The following UPRT variants were observed in gnomAD, a reference collection of about 807,000 sequenced individuals.
UPRT encodes the protein RP11-311P8.3.
Under a neutral mutation model 22.6 loss-of-function variants are expected in UPRT, and 5 were observed. That is an observed-to-expected ratio of 0.22 (90% CI 0.12 to 0.47). The LOEUF (loss-of-function observed/expected upper bound fraction) is 0.47. Among genes scored for constraint, UPRT ranks in the 20% least tolerant of loss-of-function variants. UPRT has a pLI of 0.99. For missense variants in UPRT, 181 were observed against 239.9 expected (o/e 0.75, Z 1.62); for synonymous variants, 77 against 87.7 (o/e 0.88, Z 0.68).
At chrX:75,267,417 G>A (rs2082593827) in intron 4 of UPRT, among the ~76,000 whole-genome samples, 1 of 111,408 alleles carries the variant, frequency 9.0e-6, no homozygotes, top group Admixed American at 9.6e-5. Context: ...CACAGTTCAA[G>A]GCCTGTCGTG....
At chrX:75,169,103 A>G (rs759597113) in intron 4 of UPRT, among the ~76,000 whole-genome samples, 36 of 112,131 alleles carry the variant, frequency 3.2e-4, no homozygotes, top group Non-Finnish European at 5.8e-4. Context: ...TGCAAATGCC[A>G]TTAATTCGTT....
intron 4 of UPRT, among the ~76,000 whole-genome samples, chrX:75,260,064 T>C (rs1399257876): frequency 8.9e-6 from 1 of 111,740 alleles, no homozygotes; most frequent in African/African-American, 3.3e-5. Flanking sequence ...GCTGAGAGAT[T>C]TTATCACCAC....
At chrX:75,260,146 A>G (rs1395384289) in intron 4 of UPRT, among the ~76,000 whole-genome samples, 2 of 112,402 alleles carry the variant, frequency 1.8e-5, no homozygotes, top group Admixed American at 9.5e-5. Flanking sequence ...CAGCCACTGC[A>G]AAAACATGCC....
chrX:75,269,364 C>T (rs1215973181), upstream of UPRT, among the ~76,000 whole-genome samples: 1 of 111,934 alleles, frequency 8.9e-6, no homozygotes, highest in Non-Finnish European at 1.9e-5. Context: ...CTATTCCCAT[C>T]AAGCTACCAC....
chrX:75,241,056 A>C (rs1216532888), intron 4 of UPRT, among the ~76,000 whole-genome samples: 1 of 111,131 alleles, frequency 9.0e-6, no homozygotes, highest in Non-Finnish European at 1.9e-5. Context: ...AGCAAATGGA[A>C]CAAAAATAAA....
chrX:75,272,449 G>A (rs1252889836), upstream of UPRT, among the ~76,000 whole-genome samples: 3 of 105,232 alleles, frequency 2.9e-5, no homozygotes, highest in Non-Finnish European at 5.8e-5. Context: ...GGATGAGATT[G>A]GAGACTAATA....
At chrX:75,221,336 T>C (rs1244303339) in intron 4 of UPRT, among the ~76,000 whole-genome samples, 2 of 111,254 alleles carry the variant, frequency 1.8e-5, no homozygotes, top group African/African-American at 6.5e-5. Flanking sequence ...TCTATAACCT[T>C]CTTGTACATA....
intron 4 of UPRT, among the ~76,000 whole-genome samples, chrX:75,248,516 C>T (rs987503182): frequency 2.8e-4 from 31 of 111,422 alleles, no homozygotes; most frequent in African/African-American, 9.8e-4. Context: ...AGAAAAAAGA[C>T]TAAAAAGAAA....
At chrX:75,263,840 C>T (rs960907649) in intron 4 of UPRT, among the ~76,000 whole-genome samples, 31 of 110,848 alleles carry the variant, frequency 2.8e-4, no homozygotes, top group Admixed American at 2.0e-3. Context: ...TTCCTGCTTT[C>T]GCTTGTGGGC....
chrX:75,263,217 G>A (rs935967863), intron 4 of UPRT, among the ~76,000 whole-genome samples: 1 of 111,527 alleles, frequency 9.0e-6, no homozygotes, highest in Non-Finnish European at 1.9e-5. Context: ...TTGGTATCAC[G>A]ATGATGCTGG....
chrX:75,237,334 C>G (rs1428489077), intron 4 of UPRT, among the ~76,000 whole-genome samples: 2 of 111,744 alleles, frequency 1.8e-5, no homozygotes, highest in African/African-American at 6.5e-5. Flanking sequence ...AACAGGAACA[C>G]TTTTACACTG....
intron 1 of UPRT, chrX:75,156,783 T>G (rs2147596129): frequency 3.1e-6 from 1 of 326,699 alleles, no homozygotes; most frequent in South Asian, 2.6e-5. Flanking sequence ...GGGAGGAGGC[T>G]TCAGCTGTAA....
Position 75,289,443 on chromosome X carries a change from G to GA in UPRT, c.387-4017dup, listed in dbSNP as rs35957340. 1.3e-4 allele frequency among the ~76,000 whole-genome samples: 13 copies of GA among 102,061 alleles called. No individual in the cohort carries two copies. The South Asian group carries it at 1.4e-3, about 11-fold the overall frequency. 88.6% of individuals were successfully genotyped at this position (102,061 alleles called of 115,157 possible). A position where few individuals can be genotyped will look rare whatever the true frequency, so the allele number is the denominator to read the frequency against. On this transcript the variant is annotated intron_variant, in intron 1 of 6. Coordinates refer to ENST00000373383, the MANE Select transcript of UPRT (RefSeq NM_145052.4). ...ACCAACATTATTTTGCTCAGAATTG[G>GA]AAAAAAAAAAAACTATTCTGAAATT... is the stretch of plus-strand genomic sequence containing the variant.
chrX:75,269,110 C>T (rs766517325), upstream of UPRT, among the ~76,000 whole-genome samples: 4 of 110,482 alleles, frequency 3.6e-5, no homozygotes, highest in Non-Finnish European at 7.5e-5. Context: ...TCCTATACAC[C>T]AATAACAGAC....
At chrX:75,276,613 C>G (rs993617072) in intron 1 of UPRT, among the ~76,000 whole-genome samples, 3 of 111,546 alleles carry the variant, frequency 2.7e-5, no homozygotes, top group Non-Finnish European at 5.6e-5. Context: ...ACGCTTGGGT[C>G]TTCGACTCCC....
At chrX:75,236,103 C>T (rs1227098535) in intron 4 of UPRT, among the ~76,000 whole-genome samples, 3 of 111,095 alleles carry the variant, frequency 2.7e-5, no homozygotes, top group South Asian at 3.9e-4. Context: ...AGCAATGTCT[C>T]GGGATACAAA....
chrX:75,271,490 C>A (rs1048086644), upstream of UPRT, among the ~76,000 whole-genome samples: 32 of 112,060 alleles, frequency 2.9e-4, no homozygotes, highest in Admixed American at 1.7e-3. Flanking sequence ...ATACAAAAAT[C>A]AACTCAAGAT....
chrX:75,175,016 C>G (rs1014663778), intron 4 of UPRT, among the ~76,000 whole-genome samples: 1 of 110,569 alleles, frequency 9.0e-6, no homozygotes, highest in Admixed American at 9.7e-5. Flanking sequence ...CTCTCGTTCT[C>G]TGATGTTTTT....
intron 2 of UPRT, 116 bp downstream of exon 2, chrX:75,293,630 A>G (rs2082715825): frequency 1.4e-6 from 1 of 735,056 alleles, no homozygotes; most frequent in East Asian, 3.4e-5. Flanking sequence ...TGTACTAAGT[A>G]ACCATCATCT....
Sources: gnomAD v4.1 joint callset for allele counts (sites outside exome capture counted in the v4.1 genomes callset) on GRCh38, gnomAD v4.1.1 for gene constraint, MANE v1.5 for transcripts, NCBI Gene and HGNC (gene_info 2026-07-23, HGNC 2026-07-21) for gene names.